LRRC4C: variants seen among roughly 807,000 people sequenced by gnomAD.
The protein encoded by LRRC4C is leucine rich repeat containing 4C, also known as leucine-rich repeat-containing protein 4C.
In LRRC4C, 5 loss-of-function variants were observed where a neutral mutation model predicts 33.6. The ratio of observed to expected loss-of-function variants is 0.15; its 90% confidence interval spans 0.08 to 0.31. The LOEUF (loss-of-function observed/expected upper bound fraction) is 0.31. LRRC4C is among the 10% of genes least tolerant of loss of function. The pLI is 1.00. For missense variants in LRRC4C, 560 were observed against 796.7 expected, an observed-to-expected ratio of 0.70 and a Z score of 3.58; for synonymous variants, 329 against 302.0, an observed-to-expected ratio of 1.09 and a Z score of -0.93.
At chr11:41,149,797 CAG>C (rs1943910889) in intron 1 of LRRC4C, among the ~76,000 whole-genome samples, 1 of 152,020 alleles carries the variant, frequency 6.6e-6, no homozygotes, top group Admixed American at 6.6e-5. Context: ...AGTCAGCAAA[CAG>C]GAGTTAAGAG....
At chr11:40,289,918 T>C (rs1046604195) in intron 4 of LRRC4C, among the ~76,000 whole-genome samples, 1 of 152,098 alleles carries the variant, frequency 6.6e-6, no homozygotes, top group African/African-American at 2.4e-5. Context: ...TTCTCTCTCT[T>C]AGGAAAGTTG....
intron 2 of LRRC4C, among the ~76,000 whole-genome samples, chr11:40,674,637 C>A (rs1476137117): frequency 6.6e-6 from 1 of 152,092 alleles, no homozygotes; most frequent in Admixed American, 6.6e-5. Flanking sequence ...GTTTATAAAT[C>A]ATATGCCTTC....
chr11:40,402,050 C>G (rs964627718), intron 3 of LRRC4C, among the ~76,000 whole-genome samples: 1 of 151,866 alleles, frequency 6.6e-6, no homozygotes, highest in African/African-American at 2.4e-5. Context: ...ACAATAGGTG[C>G]GAGAGTTTCA....
rs190358655 is a variant in LRRC4C at position 41,330,791 on chromosome 11, C to T, written c.-496+128640G>A. ...GATTATAAATACATATTAATATATA[C>T]TTTTAATAAGATTATAAGTATATAT... On this transcript the variant is annotated intron_variant, in intron 1 of 6. Transcript: ENST00000528697. Among the ~76,000 whole-genome samples the T allele has an allele frequency of 2.1e-3, 315 of 151,864 alleles. 1 individual carries two copies. The highest frequency in any genetic ancestry group is 7.1e-3 in the African/African-American group (296 of 41,446).
At chr11:40,881,815 T>A (rs979538000) in intron 2 of LRRC4C, among the ~76,000 whole-genome samples, 1 of 152,036 alleles carries the variant, frequency 6.6e-6, no homozygotes, top group African/African-American at 2.4e-5. Flanking sequence ...TGACAAAATA[T>A]CTCTATCCAA....
intron 3 of LRRC4C, among the ~76,000 whole-genome samples, chr11:40,421,868 T>G (rs1950535510): frequency 6.6e-6 from 1 of 152,312 alleles, no homozygotes; most frequent in African/African-American, 2.4e-5. Context: ...AAAATAATGA[T>G]AATTGTCATA....
intron 2 of LRRC4C, among the ~76,000 whole-genome samples, chr11:40,764,043 G>A (rs1949343332): frequency 6.6e-6 from 1 of 152,120 alleles, no homozygotes; most frequent in Admixed American, 6.5e-5. Flanking sequence ...TGCACTTTGG[G>A]GAGAGACTCT....
At chr11:40,778,333 T>C (rs1006970246) in intron 2 of LRRC4C, among the ~76,000 whole-genome samples, 1 of 152,258 alleles carries the variant, frequency 6.6e-6, no homozygotes, top group African/African-American at 2.4e-5. Context: ...GATTCACTTA[T>C]GTAACAATTA....
At chr11:40,640,382 T>G (rs1052379386) in intron 3 of LRRC4C, among the ~76,000 whole-genome samples, 2 of 152,126 alleles carry the variant, frequency 1.3e-5, no homozygotes, top group African/African-American at 4.8e-5. Context: ...ATTTTTAGAT[T>G]TGTCTTTTCT....
intron 1 of LRRC4C, among the ~76,000 whole-genome samples, chr11:41,099,162 A>G (rs1426518899): frequency 1.3e-5 from 2 of 152,102 alleles, no homozygotes; most frequent in Non-Finnish European, 2.9e-5. Flanking sequence ...GAATAGGCCA[A>G]TAATGAGCTC....
chr11:41,075,891 A>G (rs1939114724), intron 1 of LRRC4C, among the ~76,000 whole-genome samples: 1 of 152,174 alleles, frequency 6.6e-6, no homozygotes, highest in African/African-American at 2.4e-5. Flanking sequence ...GTAACCTCTG[A>G]TTCAATAAAT....
chr11:40,166,110 C>T (rs2135394326), intron 5 of LRRC4C, among the ~76,000 whole-genome samples: 1 of 152,242 alleles, frequency 6.6e-6, no homozygotes, highest in East Asian at 1.9e-4. Flanking sequence ...ATAACCAGTA[C>T]AAATGTGTAC....
intron 2 of LRRC4C, among the ~76,000 whole-genome samples, chr11:40,746,356 T>C (rs1948421583): frequency 6.6e-6 from 1 of 152,070 alleles, no homozygotes. Context: ...CCGTGTACTC[T>C]CCCAGAAACT....
At chr11:40,582,503 C>A (rs1161324981) in intron 3 of LRRC4C, among the ~76,000 whole-genome samples, 1 of 139,402 alleles carries the variant, frequency 7.2e-6, no homozygotes, top group Non-Finnish European at 1.6e-5. Context: ...TTATTTCTCT[C>A]CCTTGTTCAG....
intron 2 of LRRC4C, among the ~76,000 whole-genome samples, chr11:40,661,878 C>A (rs944624750): frequency 4.6e-5 from 7 of 152,150 alleles, no homozygotes; most frequent in African/African-American, 1.7e-4. Context: ...CAACTCTAAA[C>A]CCCAAATATA....
chr11:41,274,394 T>C (rs1271700733), intron 1 of LRRC4C, among the ~76,000 whole-genome samples: 1 of 152,008 alleles, frequency 6.6e-6, no homozygotes, highest in Non-Finnish European at 1.5e-5. Context: ...TCAATGACAG[T>C]GTCTTGAACA....
At chr11:40,728,971 C>A (rs1947425813) in intron 2 of LRRC4C, among the ~76,000 whole-genome samples, 1 of 135,488 alleles carries the variant, frequency 7.4e-6, no homozygotes, top group African/African-American at 2.8e-5. Flanking sequence ...ATCCTGGGGA[C>A]CACAGATAGA....
rs1371473166 is a variant in LRRC4C at position 40,586,619 on chromosome 11, A to C, written c.-270+61523T>G. Among the ~76,000 whole-genome samples the C allele has an allele frequency of 2.0e-5, 3 of 149,302 alleles. No homozygotes were observed. In the Admixed American group the frequency reaches 2.0e-4, roughly 10 times the overall value. The stretch of plus-strand genomic sequence containing the variant: ...TTTTATGGTTTTAGGTCTAACATTT[A>C]AGTCTTTAATCCATCTTGAATTGAT... On this transcript the variant is annotated intron_variant, in intron 3 of 6. Transcript: ENST00000528697.
intron 3 of LRRC4C, among the ~76,000 whole-genome samples, chr11:40,602,070 C>A (rs191148858): frequency 6.6e-6 from 1 of 151,812 alleles, no homozygotes; most frequent in African/African-American, 2.4e-5. Context: ...TGGCGCGTGC[C>A]TCTAATCCCA....
Sources: gnomAD v4.1 joint callset for allele counts (sites outside exome capture counted in the v4.1 genomes callset) on GRCh38, gnomAD v4.1.1 for gene constraint, MANE v1.5 for transcripts, NCBI Gene and HGNC (gene_info 2026-07-23, HGNC 2026-07-21) for gene names.